JADE3: variants seen among roughly 807,000 people sequenced by gnomAD.
JADE3 encodes the protein jade family PHD finger 3.
A neutral mutation model predicts 50.1 loss-of-function variants in JADE3; 2 were observed. That is an observed-to-expected ratio of 0.04 (90% CI 0.02 to 0.13). JADE3 has a LOEUF of 0.13. JADE3 is among the 10% of genes least tolerant of loss of function. JADE3 has a pLI of 1.00. For missense variants in JADE3, 475 were observed against 634.4 expected (o/e 0.75, Z 2.70); for synonymous variants, 218 against 232.9 (o/e 0.94, Z 0.58).
intron 1 of JADE3, among the ~76,000 whole-genome samples, chrX:46,979,122 G>A (rs1453074794): frequency 9.0e-6 from 1 of 111,688 alleles, no homozygotes; most frequent in Non-Finnish European, 1.9e-5. Flanking sequence ...GGTGTAACTC[G>A]TATTAGATAA....
intron 1 of JADE3, among the ~76,000 whole-genome samples, chrX:46,972,685 C>T (rs782097528): frequency 9.0e-5 from 10 of 111,641 alleles, no homozygotes; most frequent in Non-Finnish European, 1.7e-4. Flanking sequence ...CTGCAATCTC[C>T]GCCTCCCAGG....
chrX:46,964,443 C>T (rs1318800503), intron 1 of JADE3, among the ~76,000 whole-genome samples: 4 of 111,802 alleles, frequency 3.6e-5, no homozygotes, highest in Non-Finnish European at 5.6e-5. Flanking sequence ...CCACCTATGC[C>T]AGAGAGGCCT....
intron 1 of JADE3, among the ~76,000 whole-genome samples, chrX:46,935,457 A>G (rs1048388920): frequency 9.0e-6 from 1 of 110,520 alleles, no homozygotes; most frequent in Non-Finnish European, 1.9e-5. Context: ...GTGGCCTGTT[A>G]GGAACCAGGC....
intron 3 of JADE3, among the ~76,000 whole-genome samples, chrX:46,991,637 A>T (rs1928009656): frequency 8.9e-6 from 1 of 111,766 alleles, no homozygotes; most frequent in Non-Finnish European, 1.9e-5. Flanking sequence ...AAGAACTACG[A>T]GTCTGTTTTC....
chrX:47,001,347 C>T (rs1182701911), intron 4 of JADE3, among the ~76,000 whole-genome samples: 1 of 111,715 alleles, frequency 9.0e-6, no homozygotes, highest in Non-Finnish European at 1.9e-5. Context: ...CAACTCCTGA[C>T]ATGATACTGA....
intron 1 of JADE3, among the ~76,000 whole-genome samples, chrX:46,953,487 A>G (rs1424125027): frequency 1.8e-5 from 2 of 111,646 alleles, no homozygotes; most frequent in Non-Finnish European, 1.9e-5. Context: ...TACAGATTTT[A>G]TAGTTGCATT....
At chrX:46,992,952 AT>A (rs782046191) in intron 3 of JADE3, among the ~76,000 whole-genome samples, 2 of 109,043 alleles carry the variant, frequency 1.8e-5, no homozygotes, top group East Asian at 2.9e-4. Context: ...TTCTTTGTTA[AT>A]TTTTTTTTCT....
intron 1 of JADE3, among the ~76,000 whole-genome samples, chrX:46,962,038 T>A (rs990156248): frequency 2.7e-5 from 3 of 112,023 alleles, no homozygotes; most frequent in Non-Finnish European, 5.6e-5. Context: ...AGGATTAAAA[T>A]TGAGCCTCTG....
intron 1 of JADE3, among the ~76,000 whole-genome samples, chrX:46,949,680 A>G (rs1359420838): frequency 8.9e-6 from 1 of 111,798 alleles, no homozygotes; most frequent in Non-Finnish European, 1.9e-5. Flanking sequence ...ATCAAGATAT[A>G]AAACATTTCT....
At chrX:46,991,712 C>T (rs1194525516) in intron 3 of JADE3, among the ~76,000 whole-genome samples, 2 of 111,279 alleles carry the variant, frequency 1.8e-5, no homozygotes, top group Non-Finnish European at 3.8e-5. Context: ...TTTGTTATTG[C>T]TGTAACAGAG....
rs782165412 is a variant in JADE3, at chrX:47,026,746, A to G, written c.476-1146A>G. 6.3e-5 allele frequency among the ~76,000 whole-genome samples: 7 copies of G among 111,853 alleles called. No homozygotes were observed. The South Asian group carries it at 2.2e-3, about 35-fold the overall frequency. ...AAGCACCATACTAAGCAATGTACCAATATTACTTCATCTCAGCTTCACAAC... is the reference window on the plus strand; with the variant it reads ...AAGCACCATACTAAGCAATGTACCAGTATTACTTCATCTCAGCTTCACAAC... On this transcript the variant is annotated intron_variant, in intron 5 of 10. Coordinates refer to ENST00000614628, the MANE Select transcript of JADE3 (RefSeq NM_014735.5).
At chrX:46,943,758 T>A (rs1382057881) in intron 1 of JADE3, among the ~76,000 whole-genome samples, 1 of 111,905 alleles carries the variant, frequency 8.9e-6, no homozygotes, top group African/African-American at 3.2e-5. Context: ...TCCTCCTCAA[T>A]TTTTTTGGAA....
chrX:47,057,216 G>T (rs781964940), intron 10 of JADE3, among the ~76,000 whole-genome samples: 1 of 111,441 alleles, frequency 9.0e-6, no homozygotes, highest in East Asian at 2.8e-4. Flanking sequence ...TCCTGACAGA[G>T]ATGGGGGTTG....
At chrX:46,944,379 C>T (rs1031272065) in intron 1 of JADE3, among the ~76,000 whole-genome samples, 9 of 107,503 alleles carry the variant, frequency 8.4e-5, no homozygotes, top group Admixed American at 2.0e-4. Flanking sequence ...GATCTTGGCT[C>T]ACTGCAACCT....
intron 4 of JADE3, among the ~76,000 whole-genome samples, chrX:47,015,046 A>G (rs1928641083): frequency 8.9e-6 from 1 of 112,544 alleles, no homozygotes; most frequent in African/African-American, 3.2e-5. Context: ...GAGTGCATTG[A>G]AAGCATGATG....
chrX:47,016,868 C>T (rs1298347668), intron 4 of JADE3, among the ~76,000 whole-genome samples: 1 of 110,885 alleles, frequency 9.0e-6, no homozygotes, highest in African/African-American at 3.3e-5. Flanking sequence ...GCTAGAGAAA[C>T]TTTACTAATA....
At chrX:47,056,770 A>T (rs1364369803) in intron 10 of JADE3, among the ~76,000 whole-genome samples, 1 of 111,912 alleles carries the variant, frequency 8.9e-6, no homozygotes, top group African/African-American at 3.2e-5. Context: ...GAGCATAATT[A>T]TAGTGCCCTA....
chrX:47,041,754 C>T (rs782135307), intron 8 of JADE3, among the ~76,000 whole-genome samples: 3 of 108,160 alleles, frequency 2.8e-5, no homozygotes, highest in Non-Finnish European at 5.7e-5. Context: ...CAGCTCACTG[C>T]AACCTCTGCC....
At position 46,974,395 on chromosome X, in the gene JADE3, ACT is replaced by A. The variant is rs1461079651; in HGVS notation, c.-11-10486_-11-10485del. The stretch of plus-strand genomic sequence containing the variant: ...ACTCCAGCTTGGGCGACAGAGTGAG[ACT>A]CTGTCTCAAAAAAAAAAAGTTTGGG... On this transcript the variant is annotated intron_variant, in intron 1 of 10. Transcript: ENST00000614628. Among the ~76,000 whole-genome samples the A allele has an allele frequency of 2.8e-5, 3 of 108,947 alleles. No individual in the cohort carries two copies. The East Asian group carries it at 8.7e-4, about 31-fold the overall frequency. The allele number at this position is 108,947 out of a possible 115,157, so 94.6% of individuals were successfully genotyped here.
Sources: gnomAD v4.1 joint callset for allele counts (sites outside exome capture counted in the v4.1 genomes callset) on GRCh38, gnomAD v4.1.1 for gene constraint, MANE v1.5 for transcripts, NCBI Gene and HGNC (gene_info 2026-07-23, HGNC 2026-07-21) for gene names.